Variants in EMP1 observed in about 807,000 individuals in gnomAD.
The protein encoded by EMP1 is tumor-associated membrane protein.
In EMP1, 5 loss-of-function variants were observed where a neutral mutation model predicts 15.7. That is an observed-to-expected ratio of 0.32 (90% CI 0.17 to 0.67). The LOEUF is 0.67. EMP1 is among the 30% of genes least tolerant of loss of function. The probability of loss-of-function intolerance (pLI) is 0.74; values close to 1 mark genes in which losing one functional copy is unlikely to be tolerated. For synonymous variants in EMP1, 78 were observed against 76.7 expected (o/e 1.02, Z -0.09); for missense variants, 166 against 194.2 (o/e 0.85, Z 0.86).
chr12:13,197,653 T>C (rs1864026681), intron 1 of EMP1, among the ~76,000 whole-genome samples: 1 of 152,136 alleles, frequency 6.6e-6, no homozygotes, highest in African/African-American at 2.4e-5. Flanking sequence ...CAGGTGCCTG[T>C]AATTCTAGCT....
chr12:13,207,816 C>A (rs894550660), intron 1 of EMP1, among the ~76,000 whole-genome samples: 1 of 152,098 alleles, frequency 6.6e-6, no homozygotes, highest in Non-Finnish European at 1.5e-5. Context: ...CAGTGGACGG[C>A]CTGTTCTTTA....
chr12:13,207,742 A>T (rs921008196), intron 1 of EMP1, among the ~76,000 whole-genome samples: 71 of 152,190 alleles, frequency 4.7e-4, no homozygotes, highest in African/African-American at 1.6e-3. Context: ...AGGCTTAAGA[A>T]GGAGATCATC....
At position 13,211,654 on chromosome 12, in the gene EMP1, A is replaced by G. The variant is rs1864166015; in HGVS notation, c.78+66A>G. 1 of 1,588,012 alleles carries G rather than the reference A, an allele frequency of 6.3e-7. No homozygotes were observed. The highest frequency in any genetic ancestry group is 1.1e-5 in the South Asian group (1 of 89,862). On this transcript the variant is annotated intron_variant, in intron 2 of 4. Transcript: ENST00000256951. This position sits in a 1 kb window ranked among gnomAD's most constrained non-coding sequence, Gnocchi z 4.7. ...ATTCGAATATTTACATCAAGTGCAC[A>G]AAAGAAGTTTAAGCCACAGCCCTTG... is the stretch of plus-strand genomic sequence containing the variant.
At chr12:13,213,629 T>C in intron 3 of EMP1, 52 bp from the exon 4 acceptor site, 1 of 1,614,100 alleles carries the variant, frequency 6.2e-7, no homozygotes, top group East Asian at 2.2e-5. Context: ...CAGGGAATGT[T>C]CAGCCCCTGG....
intron 1 of EMP1, among the ~76,000 whole-genome samples, chr12:13,210,910 A>C (rs901069739): frequency 1.3e-5 from 2 of 152,236 alleles, no homozygotes; most frequent in Admixed American, 1.3e-4. Context: ...TGCCTCTCAC[A>C]TTTTATATCT....
intron 1 of EMP1, among the ~76,000 whole-genome samples, chr12:13,200,195 AC>A (rs1864052112): frequency 1.3e-5 from 2 of 152,024 alleles, no homozygotes; most frequent in Non-Finnish European, 2.9e-5. Flanking sequence ...GGAGGGACAC[AC>A]CCAGTGTTGC....
At chr12:13,197,550 C>T (rs1181391382) in intron 1 of EMP1, among the ~76,000 whole-genome samples, 2 of 151,930 alleles carry the variant, frequency 1.3e-5, no homozygotes, top group African/African-American at 2.4e-5. Context: ...CTGAGGCGGG[C>T]GGATCACCTG....
At chr12:13,204,677 C>A (rs1018502376) in intron 1 of EMP1, among the ~76,000 whole-genome samples, 13 of 152,158 alleles carry the variant, frequency 8.5e-5, no homozygotes, top group African/African-American at 3.1e-4. Flanking sequence ...GTCAGTTGAC[C>A]AGAAGCGGCT....
In EMP1 at chr12:13,214,696, G is replaced by A. The variant is rs779511757; in HGVS notation, c.*5G>A. 2.0e-5 allele frequency: 32 copies of A among 1,610,826 alleles called. No homozygotes were observed. Among genetic ancestry groups the A allele is most frequent in the Non-Finnish European group, 2.7e-5 (32 of 1,178,614 alleles). ...CTGGTCCTGAGAAAGAAATAAGGCCGGACGAGTTCATGGGGATCTGGGGGG... is the reference window on the plus strand; with the variant it reads ...CTGGTCCTGAGAAAGAAATAAGGCCAGACGAGTTCATGGGGATCTGGGGGG... On this transcript the variant is annotated 3_prime_UTR_variant, in exon 5 of 5. Transcript: ENST00000256951.
chr12:13,207,273 G>A (rs182310160), intron 1 of EMP1, among the ~76,000 whole-genome samples: 238 of 152,118 alleles, frequency 1.6e-3, no homozygotes, highest in Non-Finnish European at 2.0e-3. Flanking sequence ...CACCACGCCC[G>A]GCTAATTTCT....
At position 13,217,903 on chromosome 12, in the gene EMP1, C is replaced by A. The variant is rs1051336608; in HGVS notation, c.*3212C>A. The stretch of plus-strand genomic sequence containing the variant: ...AAGCCCAAAGTCTGCAAGGGGTGGG[C>A]CAGCAGAGAGCTGGTGCTACAGTGC... On this transcript the variant is annotated 3_prime_UTR_variant, in exon 5 of 5. Coordinates refer to ENST00000256951, the MANE Select transcript of EMP1 (RefSeq NM_001423.3). 6.6e-6 allele frequency: 1 copy of A among 152,110 alleles called. No homozygotes were observed. The highest frequency in any genetic ancestry group is 1.9e-4 in the East Asian group (1 of 5,202). The allele number at this position is 152,110 out of a possible 1,614,324, so 9.4% of individuals were successfully genotyped here.
chr12:13,207,853 C>T (rs539224267), intron 1 of EMP1, among the ~76,000 whole-genome samples: 142 of 152,298 alleles, frequency 9.3e-4, no homozygotes, highest in African/African-American at 3.2e-3. Flanking sequence ...ATAAGCTCTG[C>T]TGGCCTAGGT....
At chr12:13,205,531 T>C (rs1455981949) in intron 1 of EMP1, among the ~76,000 whole-genome samples, 9 of 152,230 alleles carry the variant, frequency 5.9e-5, no homozygotes, top group Non-Finnish European at 1.2e-4. Context: ...TATAATTCTG[T>C]GTTTATTATG....
At chr12:13,209,984 G>C (rs1380435143) in intron 1 of EMP1, among the ~76,000 whole-genome samples, 1 of 152,212 alleles carries the variant, frequency 6.6e-6, no homozygotes, top group African/African-American at 2.4e-5. Flanking sequence ...TTGGGAAGGG[G>C]CTGTTGGAGA....
intron 1 of EMP1, among the ~76,000 whole-genome samples, chr12:13,203,926 T>A (rs770678039): frequency 2.0e-5 from 3 of 152,198 alleles, no homozygotes; most frequent in Non-Finnish European, 4.4e-5. Flanking sequence ...AACCCACACC[T>A]TGGCTCCTCA....
In EMP1 at chr12:13,211,606, GTTCA is replaced by G. The variant is rs1328121784; in HGVS notation, c.78+29_78+32del. 1.4e-5 allele frequency: 23 copies of G among 1,611,728 alleles called. No individual in the cohort carries two copies. Among genetic ancestry groups the G allele is most frequent in the Non-Finnish European group, 1.8e-5 (21 of 1,178,932 alleles). ...TTGCCAATGTGAGTAATGTTCTTTTGTTCATTCATTCATTGAGAAATCATTCGAA... is the reference window on the plus strand; with the variant it reads ...TTGCCAATGTGAGTAATGTTCTTTTGTTCATTCATTGAGAAATCATTCGAA... On this transcript the variant is annotated intron_variant, in intron 2 of 4. Transcript: ENST00000256951. This position sits in a 1 kb window ranked among gnomAD's most constrained non-coding sequence, Gnocchi z 4.7.
chr12:13,219,212 G>A lies in EMP1; in HGVS notation c.*4521G>A, dbSNP rs1397583531. ...GATGCTTCTATCACTGTCGGGGCAG[G>A]GAGGGCCAGAACACTAGCATAAGAT... On this transcript the variant is annotated 3_prime_UTR_variant, in exon 5 of 5. Coordinates refer to ENST00000256951, the MANE Select transcript of EMP1 (RefSeq NM_001423.3). 3 of 152,216 alleles carry A rather than the reference G, an allele frequency of 2.0e-5. No individual in the cohort carries two copies. Among genetic ancestry groups the A allele is most frequent in the Non-Finnish European group, 4.4e-5 (3 of 68,068 alleles). 9.4% of individuals were successfully genotyped at this position (152,216 alleles called of 1,614,324 possible).
At chr12:13,197,061 A>T (rs1268857218) in intron 1 of EMP1, among the ~76,000 whole-genome samples, 189 bp downstream of exon 1, 1 of 152,210 alleles carries the variant, frequency 6.6e-6, no homozygotes, top group Non-Finnish European at 1.5e-5. Flanking sequence ...CTTTTTCTAG[A>T]AAGTTCAGAA....
intron 1 of EMP1, among the ~76,000 whole-genome samples, chr12:13,208,393 G>T (rs1252049275): frequency 6.6e-6 from 1 of 152,176 alleles, no homozygotes; most frequent in Admixed American, 6.5e-5. Context: ...CCTCCTCCCA[G>T]ACTGAGGGTT....
Sources: allele counts gnomAD v4.1 joint callset (sites outside exome capture counted in the v4.1 genomes callset), GRCh38; gene constraint gnomAD v4.1.1; non-coding constraint Gnocchi (gnomAD v3.1); transcripts MANE v1.5; gene names NCBI Gene and HGNC (gene_info 2026-07-23, HGNC 2026-07-21).